DLGAP2: variants seen among roughly 807,000 people sequenced by gnomAD.
DLGAP2 encodes the protein DLG associated protein 2, also known as disks large-associated protein 2.
DLGAP2 carries 26 observed loss-of-function variants against 100.3 expected under a neutral mutation model. The observed-to-expected ratio is 0.26, with a 90% CI of 0.19 to 0.36. The LOEUF is 0.36. Ranked by LOEUF, DLGAP2 falls within the 10% of genes least tolerant of loss-of-function variation. The pLI is 1.00. For missense variants in DLGAP2, 1,858 were observed against 1,453.2 expected (o/e 1.28, Z -4.53); for synonymous variants, 886 against 630.1 (o/e 1.41, Z -6.08).
intron 4 of DLGAP2, among the ~76,000 whole-genome samples, chr8:1,545,139 T>C (rs1801491387): frequency 6.6e-6 from 1 of 152,156 alleles, no homozygotes; most frequent in African/African-American, 2.4e-5. Context: ...CCTGATAGAA[T>C]TACCATAGAA....
At chr8:1,699,590 G>C (rs138909039) in intron 14 of DLGAP2, among the ~76,000 whole-genome samples, 2 of 152,050 alleles carry the variant, frequency 1.3e-5, no homozygotes, top group African/African-American at 4.8e-5. Flanking sequence ...CTGCAGCCTA[G>C]GCAACAGAGT....
intron 2 of DLGAP2, among the ~76,000 whole-genome samples, chr8:1,214,285 G>A (rs529293344): frequency 6.6e-6 from 1 of 152,294 alleles, no homozygotes; most frequent in East Asian, 1.9e-4. Context: ...GGACACCACA[G>A]CTCCAGGACA....
chr8:1,448,578 A>T (rs2130097985), intron 3 of DLGAP2, among the ~76,000 whole-genome samples: 1 of 152,302 alleles, frequency 6.6e-6, no homozygotes, highest in Admixed American at 6.5e-5. Flanking sequence ...TTTGGGGTGG[A>T]GAGTTCTGTA....
intron 2 of DLGAP2, among the ~76,000 whole-genome samples, chr8:1,241,344 A>T (rs947712745): frequency 6.9e-6 from 1 of 144,926 alleles, no homozygotes; most frequent in African/African-American, 2.8e-5. Context: ...TAGTTGTCTC[A>T]CATGGCGCCG....
rs1359715846 is a variant in DLGAP2 at position 1,385,734 on chromosome 8, G to T, written c.107-115632G>T. Among the ~76,000 whole-genome samples, 4 of 146,056 alleles carry T rather than the reference G, an allele frequency of 2.7e-5. No individual in the cohort carries two copies. In the East Asian group the frequency reaches 8.5e-4, roughly 31 times the overall value. ...CCTGTGCCCGTCCCCTGAGAACTTGGTGCACAGTTACCCCGGCCTATGCCC... is the reference window on the plus strand; with the variant it reads ...CCTGTGCCCGTCCCCTGAGAACTTGTTGCACAGTTACCCCGGCCTATGCCC... On this transcript the variant is annotated intron_variant, in intron 3 of 14. Coordinates refer to ENST00000637795, the MANE Select transcript of DLGAP2 (RefSeq NM_001346810.2).
At chr8:927,145 G>T in intron 2 of DLGAP2, 1 of 985,446 alleles carries the variant, frequency 1.0e-6, no homozygotes, top group Non-Finnish European at 1.2e-6. Flanking sequence ...TTACATGAAG[G>T]TGAAGCTGGT....
intron 2 of DLGAP2, among the ~76,000 whole-genome samples, chr8:1,059,791 C>A (rs1424694912): frequency 6.6e-6 from 1 of 152,078 alleles, no homozygotes; most frequent in Non-Finnish European, 1.5e-5. Flanking sequence ...CAGGAACCAC[C>A]AGGACAGACA....
intron 2 of DLGAP2, among the ~76,000 whole-genome samples, chr8:1,190,331 T>C (rs1797604595): frequency 6.6e-6 from 1 of 152,002 alleles, no homozygotes; most frequent in African/African-American, 2.4e-5. Flanking sequence ...CTCGGTGAAA[T>C]AGAAATGTGA....
intron 3 of DLGAP2, among the ~76,000 whole-genome samples, chr8:1,441,156 G>A (rs1187637810): frequency 6.6e-6 from 1 of 152,094 alleles, no homozygotes; most frequent in East Asian, 1.9e-4. Flanking sequence ...ACAAAGAGAT[G>A]TATTAATATA....
intron 2 of DLGAP2, among the ~76,000 whole-genome samples, chr8:1,213,578 G>A (rs964628447): frequency 1.7e-4 from 26 of 152,168 alleles, no homozygotes; most frequent in East Asian, 3.9e-4. Context: ...GGTTTTCTGC[G>A]GCATCTTCCT....
At chr8:1,201,003 C>T (rs1041822640) in intron 2 of DLGAP2, among the ~76,000 whole-genome samples, 2 of 152,178 alleles carry the variant, frequency 1.3e-5, no homozygotes, top group Non-Finnish European at 1.5e-5. Context: ...GCTGTCTCCC[C>T]GGACCCCACC....
In DLGAP2 at chr8:1,295,230, C is replaced by T. The variant is rs547913677; in HGVS notation, c.106+36347C>T. Among the ~76,000 whole-genome samples, 20 of 152,302 alleles carry T rather than the reference C, an allele frequency of 1.3e-4. No individual in the cohort carries two copies. The East Asian group carries it at 3.9e-3, about 29-fold the overall frequency. Reference sequence around the variant, plus strand: ...TGCCAACCAGACTGAAAGCAGGAACCTGAAAACCCCGAATCCTCCATGCCG... The same window carrying T: ...TGCCAACCAGACTGAAAGCAGGAACTTGAAAACCCCGAATCCTCCATGCCG... On this transcript the variant is annotated intron_variant, in intron 3 of 14. Coordinates refer to ENST00000637795, the MANE Select transcript of DLGAP2 (RefSeq NM_001346810.2).
intron 3 of DLGAP2, among the ~76,000 whole-genome samples, chr8:1,289,959 C>A (rs1023316997): frequency 6.6e-6 from 1 of 152,090 alleles, no homozygotes; most frequent in African/African-American, 2.4e-5. Flanking sequence ...AATGGTAGGT[C>A]CTGGGGATAA....
At chr8:1,110,532 G>A (rs1585069602) in intron 2 of DLGAP2, among the ~76,000 whole-genome samples, 1 of 151,590 alleles carries the variant, frequency 6.6e-6, no homozygotes. Flanking sequence ...GGGTCTGTGA[G>A]GTGTGCATAG....
intron 2 of DLGAP2, among the ~76,000 whole-genome samples, chr8:1,099,552 C>T (rs566205562): frequency 2.0e-5 from 3 of 152,230 alleles, no homozygotes; most frequent in African/African-American, 7.2e-5. Flanking sequence ...AGAGGAGGGA[C>T]TTCGTCCCTT....
chr8:1,667,951 T>C (rs1201465204), intron 8 of DLGAP2, among the ~76,000 whole-genome samples: 1 of 151,968 alleles, frequency 6.6e-6, no homozygotes, highest in African/African-American at 2.4e-5. Flanking sequence ...TCTCCGCTGC[T>C]GGATTTGTTG....
intron 7 of DLGAP2, among the ~76,000 whole-genome samples, chr8:1,632,444 A>AG (rs1243858866): frequency 2.0e-5 from 3 of 152,266 alleles, no homozygotes; most frequent in East Asian, 3.9e-4. Context: ...TAGCTTGGAA[A>AG]GGGGGGGCCG....
chr8:764,450 A>G (rs11783556), intron 1 of DLGAP2, among the ~76,000 whole-genome samples: 23,966 of 152,274 alleles, frequency 0.16, 2,346 homozygotes, highest in South Asian at 0.25. Flanking sequence ...CGCTGTTTAA[A>G]AAAGAACTAT....
chr8:1,315,094 G>A (rs534564790), intron 3 of DLGAP2, among the ~76,000 whole-genome samples: 14 of 152,318 alleles, frequency 9.2e-5, no homozygotes, highest in African/African-American at 2.6e-4. Flanking sequence ...CAGAAGCGGC[G>A]ACACCATAGA....
Sources: allele counts gnomAD v4.1 joint callset (sites outside exome capture counted in the v4.1 genomes callset), GRCh38; gene constraint gnomAD v4.1.1; transcripts MANE v1.5; gene names NCBI Gene and HGNC (gene_info 2026-07-23, HGNC 2026-07-21).